Variants in TMTC3 observed in about 807,000 individuals in gnomAD.
TMTC3 encodes the protein protein O-mannosyl-transferase TMTC3.
In TMTC3, 52 loss-of-function variants were observed where a neutral mutation model predicts 92.2. That is an observed-to-expected ratio of 0.56 (90% CI 0.45 to 0.71). TMTC3 has a LOEUF of 0.71. Ranked by LOEUF, TMTC3 falls within the 30% of genes least tolerant of loss-of-function variation. The probability of loss-of-function intolerance (pLI) is 0.00; values close to 1 mark genes in which losing one functional copy is unlikely to be tolerated. For synonymous variants in TMTC3, 339 were observed against 363.3 expected (o/e 0.93, Z 0.76); for missense variants, 896 against 1,057.1 (o/e 0.85, Z 2.11).
intron 10 of TMTC3, among the ~76,000 whole-genome samples, chr12:88,183,844 G>A (rs1193071829): frequency 6.6e-6 from 1 of 152,138 alleles, no homozygotes; most frequent in Non-Finnish European, 1.5e-5. Context: ...TTAAGCAGCT[G>A]TTTCAGTACT....
chr12:88,168,003 C>T (rs903768071), intron 7 of TMTC3, among the ~76,000 whole-genome samples: 1 of 152,068 alleles, frequency 6.6e-6, no homozygotes, highest in African/African-American at 2.4e-5. Context: ...TAATGGAAGC[C>T]TTAGGGTATT....
chr12:88,189,457 G>A (rs910813943), intron 11 of TMTC3, among the ~76,000 whole-genome samples: 2 of 151,992 alleles, frequency 1.3e-5, no homozygotes, highest in Non-Finnish European at 2.9e-5. Flanking sequence ...CATAAAGTAT[G>A]AATTTTAGAT....
intron 2 of TMTC3, among the ~76,000 whole-genome samples, chr12:88,150,087 AAT>A (rs2040923073): frequency 6.6e-6 from 1 of 152,152 alleles, no homozygotes; most frequent in African/African-American, 2.4e-5. Flanking sequence ...GAGACAGGGT[AAT>A]ATATAAGAAA....
At chr12:88,166,681 C>A in intron 7 of TMTC3, 99 bp downstream of exon 7, 1 of 1,335,844 alleles carries the variant, frequency 7.5e-7, no homozygotes, top group African/African-American at 1.5e-5. Flanking sequence ...AGAAGCACTC[C>A]TTTCTTTGTT....
Position 88,192,749 on chromosome 12 carries a change from A to G in TMTC3, c.1852A>G (p.Lys618Glu), listed in dbSNP as rs768752158. The G allele has an allele frequency of 2.5e-6, 4 of 1,613,402 alleles. No individual in the cohort carries two copies. The highest frequency in any genetic ancestry group is 1.1e-5 in the South Asian group (1 of 91,076). Residue 618 changes from lysine to glutamate, a missense_variant, in exon 13 of 14, where the codon AAA (lysine) becomes GAA (glutamate). Transcript: ENST00000266712. ...ACTTAAAGAACCAAATGAAGCCCTA[A>G]AAAACTTTAATCGTGCTCTGGAACT... Reference protein sequence around the residue: ...IELKEPNEALKNFNRALELNP... With the variant: ...IELKEPNEALENFNRALELNP...
intron 1 of TMTC3, among the ~76,000 whole-genome samples, chr12:88,146,340 T>C (rs2040873283): frequency 6.6e-6 from 1 of 152,118 alleles, no homozygotes; most frequent in South Asian, 2.1e-4. Context: ...ATTTTTAAAA[T>C]ACGCACTAAA....
At chr12:88,192,899 C>T in intron 13 of TMTC3, 69 bp downstream of exon 13, 1 of 1,287,356 alleles carries the variant, frequency 7.8e-7, no homozygotes, top group Non-Finnish European at 1.1e-6. Context: ...CTTAATTTAA[C>T]TTTATTACCC....
chr12:88,179,925 G>A (rs2041298526), intron 10 of TMTC3, among the ~76,000 whole-genome samples: 1 of 152,130 alleles, frequency 6.6e-6, no homozygotes, highest in South Asian at 2.1e-4. Flanking sequence ...TCTACCCTTT[G>A]CTCTCAGGCT....
Position 88,192,786 on chromosome 12 carries a change from A to T in TMTC3, c.1889A>T (p.His630Leu). 1 of 1,613,262 alleles carries T rather than the reference A, an allele frequency of 6.2e-7. No homozygotes were observed. The highest frequency in any genetic ancestry group is 8.5e-7 in the Non-Finnish European group (1 of 1,179,648). ...CGTGCTCTGGAACTAAATCCAAAGC[A>T]TAAACTAGCATTATTCAACTCTGCT... ...FNRALELNPK[H>L]KLALFNSAIV... The change falls in exon 13 of 14, where the codon CAT becomes CTT. Residue 630 changes from histidine (H) to leucine (L), a missense_variant. Physicochemically the swap from His to Leu is moderately conservative, Grantham distance 99. Transcript: ENST00000266712.
At chr12:88,192,878 TATA>T (rs1297806264) in intron 13 of TMTC3, 48 bp downstream of exon 13, 14 of 1,459,150 alleles carry the variant, frequency 9.6e-6, no homozygotes, top group Non-Finnish European at 1.3e-5. Flanking sequence ...TAGTTTATAA[TATA>T]ATAAGACCTT....
Position 88,154,356 on chromosome 12 carries a change from T to C in TMTC3, c.477T>C (p.Tyr159=), listed in dbSNP as rs117274752. Residue 159 remains tyrosine, a synonymous_variant, in exon 4 of 14, where the codon TAT becomes TAC. Transcript: ENST00000266712. Reference sequence around the variant, plus strand: ...TTTTTCTAGCAGCTTTTTTGTCATATACCAGATCAAAAGGACCAGACAATT... The same window carrying C: ...TTTTTCTAGCAGCTTTTTTGTCATACACCAGATCAAAAGGACCAGACAATT... ...SIFFLAAFLS[Y]TRSKGPDNSI... is the part of the protein sequence containing the mutation. The C allele has an allele frequency of 2.7e-3, 4,345 of 1,608,050 alleles. 6 individuals carry two copies. The highest frequency in any genetic ancestry group is 3.2e-3 in the Non-Finnish European group (3,719 of 1,178,316).
chr12:88,198,065 T>C lies in TMTC3; in HGVS notation c.*2416T>C, dbSNP rs938577016. The C allele has an allele frequency of 4.9e-5, 17 of 346,686 alleles. No homozygotes were observed. The highest frequency in any genetic ancestry group is 8.8e-5 in the Non-Finnish European group (17 of 193,792). The allele number at this position is 346,686 out of a possible 1,614,324, so 21.5% of individuals were successfully genotyped here. ...AATTCCACTAAAGAACATATTCTTCTAATAACTAGCATTTATTACATGAAA... is the reference window on the plus strand; with the variant it reads ...AATTCCACTAAAGAACATATTCTTCCAATAACTAGCATTTATTACATGAAA... On this transcript the variant is annotated 3_prime_UTR_variant, in exon 14 of 14. Transcript: ENST00000266712.
intron 8 of TMTC3, among the ~76,000 whole-genome samples, chr12:88,173,402 C>T (rs1434872800): frequency 6.6e-6 from 1 of 151,878 alleles, no homozygotes; most frequent in Non-Finnish European, 1.5e-5. Flanking sequence ...TCCTATTTTC[C>T]AGTCATCCCT....
chr12:88,194,723 G>A, intron 13 of TMTC3, 115 bp from the exon 14 acceptor site: 1 of 710,152 alleles, frequency 1.4e-6, no homozygotes, highest in East Asian at 3.2e-5. Flanking sequence ...TTTAACTATG[G>A]AAATTAGTTG....
intron 7 of TMTC3, among the ~76,000 whole-genome samples, chr12:88,170,957 A>G (rs1378019961): frequency 3.3e-5 from 5 of 152,180 alleles, no homozygotes; most frequent in Admixed American, 3.3e-4. Flanking sequence ...TTATATTAAT[A>G]ATTTTAGAAA....
chr12:88,150,524 G>A (rs916294953), intron 2 of TMTC3, among the ~76,000 whole-genome samples: 4 of 152,110 alleles, frequency 2.6e-5, no homozygotes, highest in Admixed American at 6.5e-5. Flanking sequence ...CAGAAAGCCC[G>A]TAAGCAGATG....
chr12:88,196,865 CTATAG>C lies in TMTC3; in HGVS notation c.*1220_*1224del, dbSNP rs2041519499. 1 of 151,630 alleles carries C rather than the reference CTATAG, an allele frequency of 6.6e-6. No homozygotes were observed. The highest frequency in any genetic ancestry group is 6.6e-5 in the Admixed American group (1 of 15,210). The allele number at this position is 151,630 out of a possible 1,614,324, so 9.4% of individuals were successfully genotyped here. ...CTGGATATAAAAGATAATTAGCCTA[CTATAG>C]TATTAATAAATTTTTCAGTTGGTTT... On this transcript the variant is annotated 3_prime_UTR_variant, in exon 14 of 14. Transcript: ENST00000266712.
intron 10 of TMTC3, among the ~76,000 whole-genome samples, chr12:88,187,546 A>G (rs559073530): frequency 7.9e-5 from 12 of 152,132 alleles, no homozygotes; most frequent in Non-Finnish European, 1.8e-4. Flanking sequence ...TCCTGGCTCC[A>G]TGAGACTCAG....
chr12:88,195,239 G>C lies in TMTC3; in HGVS notation c.2335G>C (p.Val779Leu). Reference sequence around the variant, plus strand: ...TGTGCAAGGAAAACACAATCTTTGTGTTGTTTATTTTGAAGAAAAAGACTT... The same window carrying C: ...TGTGCAAGGAAAACACAATCTTTGTCTTGTTTATTTTGAAGAAAAAGACTT... ...SNVQGKHNLC[V>L]VYFEEKDLLK... The change falls in exon 14 of 14, where the codon GTT becomes CTT. Residue 779 changes from valine (V) to leucine (L), a missense_variant. Val to Leu is a conservative substitution (Grantham distance 32). Transcript: ENST00000266712. 2 of 1,613,842 alleles carry C rather than the reference G, an allele frequency of 1.2e-6. No individual in the cohort carries two copies. The highest frequency in any genetic ancestry group is 4.5e-5 in the East Asian group (2 of 44,830).
Sources: allele counts gnomAD v4.1 joint callset (sites outside exome capture counted in the v4.1 genomes callset), GRCh38; gene constraint gnomAD v4.1.1; transcripts MANE v1.5; gene names NCBI Gene and HGNC (gene_info 2026-07-23, HGNC 2026-07-21).